The following TBC1D31 variants were observed in gnomAD, a reference collection of about 807,000 sequenced individuals.
The protein encoded by TBC1D31 is WD repeat domain 67.
TBC1D31 carries 99 observed loss-of-function variants against 132.9 expected under a neutral mutation model. That is an observed-to-expected ratio of 0.74 (90% CI 0.63 to 0.88). The LOEUF is 0.88. Ranked by LOEUF, TBC1D31 falls within the 40% of genes least tolerant of loss-of-function variation. The pLI is 0.00. For missense variants in TBC1D31, 1,134 were observed against 1,256.6 expected (o/e 0.90, Z 1.48); for synonymous variants, 385 against 419.4 (o/e 0.92, Z 1.00).
chr8:123,110,830 T>C (rs1240439767), intron 10 of TBC1D31, among the ~76,000 whole-genome samples: 12 of 152,354 alleles, frequency 7.9e-5, no homozygotes, highest in South Asian at 2.1e-4. Context: ...AATTTTCTTA[T>C]GTAAACTTGT....
intron 6 of TBC1D31, 22 bp downstream of exon 6, chr8:123,097,463 C>G: frequency 4.4e-6 from 7 of 1,605,890 alleles, no homozygotes; most frequent in Non-Finnish European, 5.1e-6. Context: ...AAATGTAGGG[C>G]ACTGTACTTT....
chr8:123,098,383 C>A (rs933156271), intron 6 of TBC1D31, among the ~76,000 whole-genome samples: 7 of 152,236 alleles, frequency 4.6e-5, no homozygotes, highest in Middle Eastern at 3.4e-3. Context: ...CTCACTGCAA[C>A]CTCCGCCTCC....
At chr8:123,086,127 TCTC>T (rs1447060103) in intron 4 of TBC1D31, among the ~76,000 whole-genome samples, 3 of 152,144 alleles carry the variant, frequency 2.0e-5, no homozygotes, top group African/African-American at 7.2e-5. Flanking sequence ...CTGGCTGTCA[TCTC>T]CTGTGATTTC....
In TBC1D31 at chr8:123,132,581, T is replaced by G. The variant is rs559533032; in HGVS notation, c.2407-1533T>G. On this transcript the variant is annotated intron_variant, in intron 16 of 21. Coordinates refer to ENST00000287380, the MANE Select transcript of TBC1D31 (RefSeq NM_145647.4). ...GGTGCCTGCCACAACACCCATCTAA[T>G]TTTTGTATTTTTAGTAGAGACAGGG... Among the ~76,000 whole-genome samples, 49 of 151,898 alleles carry G rather than the reference T, an allele frequency of 3.2e-4. No individual in the cohort carries two copies. In the South Asian group the frequency reaches 0.01, roughly 31 times the overall value.
chr8:123,094,388 C>G (rs1036169410), intron 5 of TBC1D31, among the ~76,000 whole-genome samples: 1 of 151,902 alleles, frequency 6.6e-6, no homozygotes, highest in Non-Finnish European at 1.5e-5. Context: ...ATAACTTCAC[C>G]TACTTCTCCA....
At position 123,151,985 on chromosome 8, in the gene TBC1D31, A is replaced by G. The variant is rs373291503; in HGVS notation, c.*46A>G. ...GGTCGAGAGAGAGACCTATTTTGCA[A>G]TCAGTGACATTGATTTTTAGATTAT... On this transcript the variant is annotated 3_prime_UTR_variant, in exon 22 of 22. Transcript: ENST00000287380. 34 of 1,378,922 alleles carry G rather than the reference A, an allele frequency of 2.5e-5. No homozygotes were observed. In the African/African-American group the frequency reaches 4.3e-4, roughly 17 times the overall value. The allele number at this position is 1,378,922 out of a possible 1,614,324, so 85.4% of individuals were successfully genotyped here.
chr8:123,147,014 T>G (rs1197240236), intron 20 of TBC1D31, among the ~76,000 whole-genome samples: 1 of 152,138 alleles, frequency 6.6e-6, no homozygotes, highest in East Asian at 1.9e-4. Context: ...TACTTGAGAT[T>G]TAGTGGTCCC....
At chr8:123,079,962 A>G (rs1490272041) in intron 2 of TBC1D31, among the ~76,000 whole-genome samples, 1 of 152,162 alleles carries the variant, frequency 6.6e-6, no homozygotes, top group African/African-American at 2.4e-5. Context: ...AAGTGTTACT[A>G]TTTTGTCCAT....
Position 123,126,703 on chromosome 8 carries a change from C to A in TBC1D31, c.1884+16C>A, listed in dbSNP as rs376494131. On this transcript the variant is annotated intron_variant, in intron 13 of 21. Transcript: ENST00000287380. ...TGACTTTGAGGTAACGGTCCTTGTT[C>A]TTAAGAGAAGGTTCTCAAATATCAG... is the stretch of plus-strand genomic sequence containing the variant. The A allele has an allele frequency of 9.6e-5, 152 of 1,577,782 alleles. No homozygotes were observed. The highest frequency in any genetic ancestry group is 1.2e-4 in the Non-Finnish European group (141 of 1,164,898).
Position 123,140,784 on chromosome 8 carries a change from T to C in TBC1D31, c.2523T>C (p.Ala841=). ...YEKNLTENQE[A]LAKEMRADAD... Reference sequence around the variant, plus strand: ...AGAATCTTACTGAAAATCAAGAAGCTCTTGCAAAAGAAATGCGAGCAGATG... The same window carrying C: ...AGAATCTTACTGAAAATCAAGAAGCCCTTGCAAAAGAAATGCGAGCAGATG... Residue 841 remains alanine (A), a synonymous_variant, in exon 18 of 22, where the codon GCT becomes GCC. Transcript: ENST00000287380. 6.2e-7 allele frequency: 1 copy of C among 1,605,812 alleles called. No individual in the cohort carries two copies. Among genetic ancestry groups the C allele is most frequent in the Non-Finnish European group, 8.5e-7 (1 of 1,178,080 alleles).
intron 20 of TBC1D31, 115 bp downstream of exon 20, chr8:123,144,970 C>T: frequency 2.0e-6 from 2 of 994,660 alleles, no homozygotes. Flanking sequence ...GTCACCCAAG[C>T]TGGAGTGTAG....
intron 20 of TBC1D31, among the ~76,000 whole-genome samples, chr8:123,145,397 T>A (rs1312109411): frequency 6.6e-6 from 1 of 152,220 alleles, no homozygotes; most frequent in African/African-American, 2.4e-5. Flanking sequence ...TGTGGAGTTC[T>A]GTTTGATTCT....
intron 8 of TBC1D31, among the ~76,000 whole-genome samples, chr8:123,108,662 C>A (rs1053389982): frequency 2.6e-5 from 4 of 152,076 alleles, no homozygotes; most frequent in Non-Finnish European, 5.9e-5. Context: ...TCTTGGCCCA[C>A]AAAACCTAAA....
At chr8:123,093,387 GT>G (rs1289105789) in intron 4 of TBC1D31, among the ~76,000 whole-genome samples, 2 of 149,942 alleles carry the variant, frequency 1.3e-5, no homozygotes, top group Non-Finnish European at 3.0e-5. Flanking sequence ...AGTGTACCTA[GT>G]TTTCGTTTGA....
chr8:123,135,278 A>G (rs1020123348), intron 17 of TBC1D31, among the ~76,000 whole-genome samples: 3 of 152,184 alleles, frequency 2.0e-5, no homozygotes, highest in African/African-American at 7.2e-5. Flanking sequence ...AGTTTTCAAG[A>G]CACTGGAAAA....
At chr8:123,117,086 G>T (rs964212511) in intron 10 of TBC1D31, among the ~76,000 whole-genome samples, 3 of 152,076 alleles carry the variant, frequency 2.0e-5, no homozygotes, top group African/African-American at 7.2e-5. Flanking sequence ...AGGTCAAGAC[G>T]GGTGGATCAC....
At position 123,127,261 on chromosome 8, in the gene TBC1D31, ATT is replaced by A. The variant is rs35198781; in HGVS notation, c.1884+599_1884+600del. On this transcript the variant is annotated intron_variant, in intron 13 of 21. Transcript: ENST00000287380. ...TAATATTGGGGTTTGTGCTTTTTGC[ATT>A]TTTTTTTTTTTTTTTTTTTTTTTTG... Among the ~76,000 whole-genome samples, 12 of 69,914 alleles carry A rather than the reference ATT, an allele frequency of 1.7e-4. No homozygotes were observed. The East Asian group carries it at 3.3e-3, about 19-fold the overall frequency. 45.9% of individuals were successfully genotyped at this position (69,914 alleles called of 152,430 possible).
chr8:123,100,763 T>C, intron 6 of TBC1D31, 44 bp from the exon 7 acceptor site: 6 of 1,485,150 alleles, frequency 4.0e-6, no homozygotes, highest in Non-Finnish European at 5.6e-6. Flanking sequence ...TTTCAGACAT[T>C]GACTATCACA....
rs1328330046 is a variant in TBC1D31, at chr8:123,117,314, C to CA, written c.1437-2729dup. On this transcript the variant is annotated intron_variant, in intron 10 of 21. Transcript: ENST00000287380. The stretch of plus-strand genomic sequence containing the variant: ...GGGTGAAAGAGTGAGACTTTGTCTC[C>CA]AAAAAAAAAAAATTCTAGGATTCAC... Among the ~76,000 whole-genome samples the CA allele has an allele frequency of 9.6e-3, 1,299 of 135,764 alleles. 15 individuals are homozygous for CA. Among genetic ancestry groups the CA allele is most frequent in the African/African-American group, 0.029 (1,083 of 37,018 alleles). 89.1% of individuals were successfully genotyped at this position (135,764 alleles called of 152,430 possible).
Sources: allele counts gnomAD v4.1 joint callset (sites outside exome capture counted in the v4.1 genomes callset), GRCh38; gene constraint gnomAD v4.1.1; transcripts MANE v1.5; gene names NCBI Gene and HGNC (gene_info 2026-07-23, HGNC 2026-07-21).